Variants in KCTD7 observed in about 807,000 individuals in gnomAD.
KCTD7 encodes potassium channel tetramerization domain containing 7.
In KCTD7, 15 loss-of-function variants were observed where a neutral mutation model predicts 27.0. The ratio of observed to expected loss-of-function variants is 0.56; its 90% CI spans 0.37 to 0.86. KCTD7 has a LOEUF of 0.86. Ranked by LOEUF, KCTD7 falls within the 40% of genes least tolerant of loss-of-function variation. The pLI, the probability that KCTD7 is intolerant of heterozygous loss-of-function variation, is 0.00. For synonymous variants in KCTD7, 159 were observed against 162.7 expected (o/e 0.98, Z 0.17); for missense variants, 299 against 398.9 (o/e 0.75, Z 2.13).
rs771832195 is a variant in KCTD7 at position 66,639,085 on chromosome 7, T to G, written c.723T>G (p.Val241=). ...GGCCCTGGGAGGCTGTGGCTGATGT[T>G]TATGACCTGCTGCACTGCCTGGTCA... is the stretch of plus-strand genomic sequence containing the variant. The part of the protein sequence containing the change: ...SFGPWEAVAD[V]YDLLHCLVTD... The change falls in exon 4 of 4, where the codon GTT becomes GTG. Residue 241 remains valine (V), a synonymous_variant. Transcript: ENST00000639828. 6 of 1,614,080 alleles carry G rather than the reference T, an allele frequency of 3.7e-6. No homozygotes were observed. In the Admixed American group the frequency reaches 1.0e-4, roughly 27 times the overall value.
At chr7:66,630,844 A>T (rs1161529144) in intron 1 of KCTD7, among the ~76,000 whole-genome samples, 2 of 152,194 alleles carry the variant, frequency 1.3e-5, no homozygotes, top group Non-Finnish European at 2.9e-5. Flanking sequence ...TGTGAGCTCC[A>T]AAACTGTTTC....
At chr7:66,635,058 A>G (rs1187431093) in intron 2 of KCTD7, among the ~76,000 whole-genome samples, 2 of 149,630 alleles carry the variant, frequency 1.3e-5, no homozygotes, top group Non-Finnish European at 3.0e-5. Context: ...CTGTTGCCCA[A>G]GCTGAGTGCA....
Position 66,639,176 on chromosome 7 carries a change from G to A in KCTD7, c.814G>A (p.Val272Met), listed in dbSNP as rs751338237. 8.1e-6 allele frequency: 13 copies of A among 1,613,886 alleles called. No individual in the cohort carries two copies. Among genetic ancestry groups the A allele is most frequent in the South Asian group, 5.5e-5 (5 of 91,088 alleles). ...QCIGVCDKHL[V>M]NHYYCKRPIY... Reference sequence around the variant, plus strand: ...CATCGGGGTGTGTGACAAGCACCTCGTGAACCACTACTACTGCAAGCGCCC... The same window carrying A: ...CATCGGGGTGTGTGACAAGCACCTCATGAACCACTACTACTGCAAGCGCCC... Residue 272 changes from valine to methionine, a missense_variant, in exon 4 of 4, where the codon GTG (valine) becomes ATG (methionine). Val to Met is a conservative substitution (Grantham distance 21). Transcript: ENST00000639828.
In KCTD7 at chr7:66,640,482, A is replaced by T; in HGVS notation, c.*1250A>T. 6.5e-7 allele frequency: 1 copy of T among 1,535,070 alleles called. No individual in the cohort carries two copies. ...TAGGCCAACTAGTCAGGGTCTGGAC[A>T]TGCATCTCCTAAAGGAAGAACTGTG... On this transcript the variant is annotated 3_prime_UTR_variant, in exon 4 of 4. Coordinates refer to ENST00000639828, the MANE Select transcript of KCTD7 (RefSeq NM_153033.5).
rs368680616 is a variant in KCTD7, at chr7:66,639,154, C to T, written c.792C>T (p.Ile264=). Residue 264 remains isoleucine, a synonymous_variant, in exon 4 of 4, where the codon ATC becomes ATT. Coordinates refer to ENST00000639828, the MANE Select transcript of KCTD7 (RefSeq NM_153033.5). ...GTCTCACCGTGGACCACCAGTGCAT[C>T]GGGGTGTGTGACAAGCACCTCGTGA... ...AQGLTVDHQC[I]GVCDKHLVNH... 17 of 1,614,014 alleles carry T rather than the reference C, an allele frequency of 1.1e-5. No individual in the cohort carries two copies. Among genetic ancestry groups the T allele is most frequent in the Middle Eastern group, 3.3e-4 (2 of 6,084 alleles).
At chr7:66,631,009 T>G (rs1360920323) in intron 1 of KCTD7, among the ~76,000 whole-genome samples, 1 of 152,194 alleles carries the variant, frequency 6.6e-6, no homozygotes, top group African/African-American at 2.4e-5. Context: ...GATATACACA[T>G]AAAATGGTTT....
rs1786684768 is a variant in KCTD7, at chr7:66,640,222, G to C, written c.*990G>C. The C allele has an allele frequency of 6.9e-7, 1 of 1,456,372 alleles. No individual in the cohort carries two copies. The highest frequency in any genetic ancestry group is 9.0e-7 in the Non-Finnish European group (1 of 1,112,558). 90.2% of individuals were successfully genotyped at this position (1,456,372 alleles called of 1,614,324 possible). ...CCTTCTAGGAGAGCCTCTCTTCTGAGAAGGTAAAGGAAGGGCTGGGTGAGA... is the reference window on the plus strand; with the variant it reads ...CCTTCTAGGAGAGCCTCTCTTCTGACAAGGTAAAGGAAGGGCTGGGTGAGA... On this transcript the variant is annotated 3_prime_UTR_variant, in exon 4 of 4. Coordinates refer to ENST00000639828, the MANE Select transcript of KCTD7 (RefSeq NM_153033.5).
In KCTD7 at chr7:66,642,660, T is replaced by C; in HGVS notation, c.*3428T>C. On this transcript the variant is annotated 3_prime_UTR_variant, in exon 4 of 4. Transcript: ENST00000639828. Reference sequence around the variant, plus strand: ...TTATTAAGCTTTCTTGGGTACTATTTTGCTGGGGCTCTTGCGTGAAGGTGG... The same window carrying C: ...TTATTAAGCTTTCTTGGGTACTATTCTGCTGGGGCTCTTGCGTGAAGGTGG... 6.1e-6 allele frequency: 6 copies of C among 985,448 alleles called. No individual in the cohort carries two copies. The highest frequency in any genetic ancestry group is 7.2e-6 in the Non-Finnish European group (6 of 829,938). 61.0% of individuals were successfully genotyped at this position (985,448 alleles called of 1,614,324 possible).
In KCTD7 at chr7:66,629,187, G is replaced by C; in HGVS notation, c.123G>C (p.Ala41=). 2 of 1,485,716 alleles carry C rather than the reference G, an allele frequency of 1.3e-6. No individual in the cohort carries two copies. Among genetic ancestry groups the C allele is most frequent in the Non-Finnish European group, 1.8e-6 (2 of 1,115,116 alleles). The allele number at this position is 1,485,716 out of a possible 1,614,324, so 92.0% of individuals were successfully genotyped here. The part of the protein sequence containing the change: ...ATPTATQAGH[A]LPLLPQEFPE... ...CGACGGCCACGCAGGCGGGGCACGC[G>C]CTGCCCCTGCTGCCACAGGAGGTAC... Residue 41 remains alanine (A), a synonymous_variant, in exon 1 of 4, where the codon GCG becomes GCC. Coordinates refer to ENST00000639828, the MANE Select transcript of KCTD7 (RefSeq NM_153033.5).
In KCTD7 at chr7:66,639,748, T is replaced by C. The variant is rs865998140; in HGVS notation, c.*516T>C. ...GAAGAAAGAGCATCTTCTCTCCCAC[T>C]GCACCCCTTCTCCTCCAAGAATAGT... On this transcript the variant is annotated 3_prime_UTR_variant, in exon 4 of 4. Transcript: ENST00000639828. 52 of 1,252,084 alleles carry C rather than the reference T, an allele frequency of 4.2e-5. No homozygotes were observed. In the Middle Eastern group the frequency reaches 4.0e-3, roughly 96 times the overall value. 77.6% of individuals were successfully genotyped at this position (1,252,084 alleles called of 1,614,324 possible). A position where few individuals can be genotyped will look rare whatever the true frequency, so the allele number is the denominator to read the frequency against.
chr7:66,640,067 A>G lies in KCTD7; in HGVS notation c.*835A>G. On this transcript the variant is annotated 3_prime_UTR_variant, in exon 4 of 4. Transcript: ENST00000639828. ...GATCTTCTGTTATCTTTGACATGTAACATCCTTTTTAGAGGCTCAGAACAC... is the reference window on the plus strand; with the variant it reads ...GATCTTCTGTTATCTTTGACATGTAGCATCCTTTTTAGAGGCTCAGAACAC... 1 of 1,268,548 alleles carries G rather than the reference A, an allele frequency of 7.9e-7. No homozygotes were observed. Among genetic ancestry groups the G allele is most frequent in the Non-Finnish European group, 9.9e-7 (1 of 1,011,230 alleles). 78.6% of individuals were successfully genotyped at this position (1,268,548 alleles called of 1,614,324 possible). A position where few individuals can be genotyped will look rare whatever the true frequency, so the allele number is the denominator to read the frequency against.
Position 66,642,530 on chromosome 7 carries a change from G to A in KCTD7, c.*3298G>A. The A allele has an allele frequency of 1.0e-6, 1 of 985,406 alleles. No individual in the cohort carries two copies. Among genetic ancestry groups the A allele is most frequent in the Non-Finnish European group, 1.2e-6 (1 of 829,922 alleles). The allele number at this position is 985,406 out of a possible 1,614,324, so 61.0% of individuals were successfully genotyped here. ...GCTCTTGAACAGGTTAAAGCAAACA[G>A]CAATAACAAAACAAAAACTACTGAT... On this transcript the variant is annotated 3_prime_UTR_variant, in exon 4 of 4. Coordinates refer to ENST00000639828, the MANE Select transcript of KCTD7 (RefSeq NM_153033.5).
rs1205557458 is a variant in KCTD7 at position 66,629,106 on chromosome 7, G to A, written c.42G>A (p.Gln14=). 6.5e-7 allele frequency: 1 copy of A among 1,541,654 alleles called. No homozygotes were observed. The highest frequency in any genetic ancestry group is 2.6e-5 in the East Asian group (1 of 37,924). ...GGCGGGAGCCAGACAGCCGTCGTCA[G>A]GACGGTGCCATGTCCAGCTCTGACG... ...VTGREPDSRR[Q]DGAMSSSDAE... The change falls in exon 1 of 4, where the codon CAG becomes CAA. Residue 14 remains glutamine, a synonymous_variant. Coordinates refer to ENST00000639828, the MANE Select transcript of KCTD7 (RefSeq NM_153033.5).
Position 66,629,271 on chromosome 7 carries a change from G to A in KCTD7, c.144+63G>A, listed in dbSNP as rs1011009307. 1.3e-4 allele frequency: 153 copies of A among 1,139,206 alleles called. 5 individuals carry two copies. In the South Asian group the frequency reaches 2.0e-3, roughly 15 times the overall value. The allele number at this position is 1,139,206 out of a possible 1,614,324, so 70.6% of individuals were successfully genotyped here. On this transcript the variant is annotated intron_variant, in intron 1 of 3. Transcript: ENST00000639828. The stretch of plus-strand genomic sequence containing the variant: ...GGGCGCGGGGGAGAAGCGGGCGCGG[G>A]GCATAGCGGTCCTCGGCGGGTGGGC...
At chr7:66,632,639 A>G (rs1444960511) in intron 1 of KCTD7, among the ~76,000 whole-genome samples, 2 of 152,162 alleles carry the variant, frequency 1.3e-5, no homozygotes, top group Non-Finnish European at 1.5e-5. Flanking sequence ...TGGGCAAAGA[A>G]GACAATGTGA....
Position 66,640,108 on chromosome 7 carries a change from C to G in KCTD7, c.*876C>G. On this transcript the variant is annotated 3_prime_UTR_variant, in exon 4 of 4. Coordinates refer to ENST00000639828, the MANE Select transcript of KCTD7 (RefSeq NM_153033.5). ...CTCAGAACACCTCCTTGGCTGCTAT[C>G]TCATGTGTTAGAATCCAGTTTGTGG... 1 of 1,328,692 alleles carries G rather than the reference C, an allele frequency of 7.5e-7. No individual in the cohort carries two copies. The highest frequency in any genetic ancestry group is 9.6e-7 in the Non-Finnish European group (1 of 1,045,822). 82.3% of individuals were successfully genotyped at this position (1,328,692 alleles called of 1,614,324 possible).
In KCTD7 at chr7:66,641,245, A is replaced by G. The variant is rs1338570212; in HGVS notation, c.*2013A>G. ...CATGGCTCTTGTATTGTTCTAAGAG[A>G]AAAGGCTTTCATTTTGGTTCTTCTG... is the stretch of plus-strand genomic sequence containing the variant. On this transcript the variant is annotated 3_prime_UTR_variant, in exon 4 of 4. Coordinates refer to ENST00000639828, the MANE Select transcript of KCTD7 (RefSeq NM_153033.5). 2.0e-6 allele frequency: 2 copies of G among 985,236 alleles called. No individual in the cohort carries two copies. Among genetic ancestry groups the G allele is most frequent in the Non-Finnish European group, 2.4e-6 (2 of 829,932 alleles). The allele number at this position is 985,236 out of a possible 1,614,324, so 61.0% of individuals were successfully genotyped here. A position where few individuals can be genotyped will look rare whatever the true frequency, so the allele number is the denominator to read the frequency against.
intron 2 of KCTD7, among the ~76,000 whole-genome samples, chr7:66,634,132 ATATATG>A (rs1293837541): frequency 2.1e-5 from 3 of 143,160 alleles, no homozygotes; most frequent in South Asian, 2.2e-4. Context: ...ATATATATAT[ATATATG>A]TATATATATG....
chr7:66,637,395 T>C (rs1786612576), intron 2 of KCTD7, among the ~76,000 whole-genome samples: 1 of 152,152 alleles, frequency 6.6e-6, no homozygotes, highest in Non-Finnish European at 1.5e-5. Context: ...CTAAAGGTCT[T>C]ATATAGGAAT....
Sources: gnomAD v4.1 joint callset for allele counts (sites outside exome capture counted in the v4.1 genomes callset) on GRCh38, gnomAD v4.1.1 for gene constraint, MANE v1.5 for transcripts, NCBI Gene and HGNC (gene_info 2026-07-23, HGNC 2026-07-21) for gene names.